The following QRICH1 variants were observed in gnomAD, a reference collection of about 807,000 sequenced individuals.
QRICH1 encodes transcriptional regulator QRICH1.
Under a neutral mutation model 87.1 loss-of-function variants are expected in QRICH1, and 16 were observed. The observed-to-expected ratio is 0.18, with a 90% confidence interval of 0.12 to 0.28. The LOEUF (loss-of-function observed/expected upper bound fraction) is 0.28. Among genes scored for constraint, QRICH1 ranks in the 10% least tolerant of loss-of-function variants. The pLI, the probability that QRICH1 is intolerant of heterozygous loss-of-function variation, is 1.00. For synonymous variants in QRICH1, 367 were observed against 368.4 expected (o/e 1.00, Z 0.05); for missense variants, 647 against 951.7 (o/e 0.68, Z 4.21).
chr3:49,049,746 C>T (rs1017190554), intron 3 of QRICH1, among the ~76,000 whole-genome samples: 1 of 151,734 alleles, frequency 6.6e-6, no homozygotes, highest in South Asian at 2.1e-4. Context: ...GATCCGTCTG[C>T]CTTGGCCTCC....
intron 2 of QRICH1, among the ~76,000 whole-genome samples, chr3:49,064,110 T>TAGTAG (rs1212577625): frequency 6.6e-6 from 1 of 151,788 alleles, no homozygotes. Context: ...TTTATATTTT[T>TAGTAG]AGTAGAGATG....
In QRICH1 at chr3:49,047,345, G is replaced by GA. The variant is rs140679864; in HGVS notation, c.1339-100dup. 8,621 of 1,177,460 alleles carry GA rather than the reference G, an allele frequency of 7.3e-3. 863 individuals are homozygous for GA. The East Asian group carries it at 0.18, about 25-fold the overall frequency. The allele number at this position is 1,177,460 out of a possible 1,614,324, so 72.9% of individuals were successfully genotyped here. A position where few individuals can be genotyped will look rare whatever the true frequency, so the allele number is the denominator to read the frequency against. ...TGTTATGTATAGTTCATTTATTTAAGAAAATATTTCTCTACTCATTGCTGT... is the reference window on the plus strand; with the variant it reads ...TGTTATGTATAGTTCATTTATTTAAGAAAAATATTTCTCTACTCATTGCTGT... On this transcript the variant is annotated intron_variant, in intron 3 of 9. Transcript: ENST00000395443.
chr3:49,057,106 G>A lies in QRICH1; in HGVS notation c.1094C>T (p.Thr365Ile), dbSNP rs1166439719. The change falls in exon 3 of 10, where the codon ACA becomes ATA. Residue 365 changes from threonine (T) to isoleucine (I), a missense_variant. This residue lies in a region of QRICH1 where 115 missense variants were observed against 126.8 expected (regional missense o/e 0.91). Transcript: ENST00000395443. This position sits in a 1 kb window ranked among gnomAD's most constrained non-coding sequence, Gnocchi z 5.4. ...EDDKEKMVGT[T>I]SVVKNSHEEV... ...TTCATGGGAGTTTTTCACTACAGAT[G>A]TGGTGCCCACCATCTTCTCCTTGTC... 2.5e-6 allele frequency: 4 copies of A among 1,614,108 alleles called. No individual in the cohort carries two copies. Among genetic ancestry groups the A allele is most frequent in the Non-Finnish European group, 3.4e-6 (4 of 1,180,060 alleles).
At chr3:49,080,501 T>C (rs1381277449) in intron 1 of QRICH1, among the ~76,000 whole-genome samples, 1 of 151,242 alleles carries the variant, frequency 6.6e-6, no homozygotes, top group Non-Finnish European at 1.5e-5. Context: ...CAACAAAAAA[T>C]AATTTAAAAA....
chr3:49,031,647 T>C (rs2093240718), intron 9 of QRICH1, among the ~76,000 whole-genome samples: 1 of 152,214 alleles, frequency 6.6e-6, no homozygotes, highest in African/African-American at 2.4e-5. Context: ...GCTTCCCTGA[T>C]AAGCTGTGTT....
chr3:49,093,864 C>T, intron 1 of QRICH1, 48 bp downstream of exon 1: 1 of 316,256 alleles, frequency 3.2e-6, no homozygotes, highest in Non-Finnish European at 5.7e-6. Flanking sequence ...GGCCCCCCGT[C>T]TCAGGCCTAC....
chr3:49,039,615 T>C (rs192647938), intron 6 of QRICH1, among the ~76,000 whole-genome samples: 2 of 76,108 alleles, frequency 2.6e-5, no homozygotes, highest in African/African-American at 1.1e-4. Flanking sequence ...AGAGACTCCA[T>C]CTCAAAAAAA....
intron 2 of QRICH1, among the ~76,000 whole-genome samples, chr3:49,063,958 G>A (rs913948208): frequency 2.0e-5 from 3 of 152,118 alleles, no homozygotes; most frequent in African/African-American, 2.4e-5. Context: ...CCTGGCTGGA[G>A]TGCAATGGTG....
At position 49,057,320 on chromosome 3, in the gene QRICH1, G is replaced by A. The variant is rs1255671772; in HGVS notation, c.880C>T (p.Leu294=). The A allele has an allele frequency of 1.2e-6, 2 of 1,614,236 alleles. No individual in the cohort carries two copies. Among genetic ancestry groups the A allele is most frequent in the Admixed American group, 1.7e-5 (1 of 60,018 alleles). Reference sequence around the variant, plus strand: ...GTAATGGTCCCAGTGGCACTGTACAGGTGGGCACTGTCTACTGTCAGTAAG... The same window carrying A: ...GTAATGGTCCCAGTGGCACTGTACAAGTGGGCACTGTCTACTGTCAGTAAG... The part of the protein sequence containing the change: ...PDLLTVDSAH[L]YSATGTITSP... Residue 294 remains leucine (L), a synonymous_variant, in exon 3 of 10, where the codon CTG becomes TTG. Transcript: ENST00000395443. This position sits in a 1 kb window ranked among gnomAD's most constrained non-coding sequence, Gnocchi z 5.4.
chr3:49,091,117 G>A (rs1168900683), intron 1 of QRICH1, among the ~76,000 whole-genome samples: 2 of 152,064 alleles, frequency 1.3e-5, no homozygotes, highest in Non-Finnish European at 2.9e-5. Flanking sequence ...CAGCTACTCC[G>A]GAGGCTGAGG....
intron 2 of QRICH1, among the ~76,000 whole-genome samples, chr3:49,063,284 C>T (rs1454286570): frequency 1.3e-5 from 2 of 152,150 alleles, no homozygotes; most frequent in African/African-American, 4.8e-5. Flanking sequence ...TCCATGCCAA[C>T]AGCAGCAGCA....
At chr3:49,078,626 A>C (rs1214650983) in intron 1 of QRICH1, among the ~76,000 whole-genome samples, 1 of 142,446 alleles carries the variant, frequency 7.0e-6, no homozygotes, top group Non-Finnish European at 1.5e-5. Context: ...CGATCTCCTG[A>C]CCTCGTGATC....
At chr3:49,071,448 G>C (rs570891096) in intron 2 of QRICH1, among the ~76,000 whole-genome samples, 1 of 152,270 alleles carries the variant, frequency 6.6e-6, no homozygotes, top group South Asian at 2.1e-4. Flanking sequence ...AAAGTGGGTG[G>C]CTCAGCTGAA....
At chr3:49,046,955 T>G (rs1030714348) in intron 4 of QRICH1, 114 bp downstream of exon 4, 2 of 1,190,050 alleles carry the variant, frequency 1.7e-6, no homozygotes, top group Non-Finnish European at 2.4e-6. Context: ...CTATTACAGA[T>G]GTTGCTCTCT....
rs537253275 is a variant in QRICH1 at position 49,087,956 on chromosome 3, A to G, written c.-22+5956T>C. 1.6e-3 allele frequency among the ~76,000 whole-genome samples: 216 copies of G among 137,974 alleles called. 3 individuals are homozygous for G. The highest frequency in any genetic ancestry group is 5.0e-3 in the African/African-American group (188 of 37,756). 90.5% of individuals were successfully genotyped at this position (137,974 alleles called of 152,430 possible). On this transcript the variant is annotated intron_variant, in intron 1 of 9. Coordinates refer to ENST00000395443, the MANE Select transcript of QRICH1 (RefSeq NM_198880.3). ...TGAATATATTCATTTTATTTCATTTATTTTTTTTTTTTTGAGACAGAGTCT... is the reference window on the plus strand; with the variant it reads ...TGAATATATTCATTTTATTTCATTTGTTTTTTTTTTTTTGAGACAGAGTCT...
rs201304451 is a variant in QRICH1, at chr3:49,057,714, C to A, written c.486G>T (p.Ser162=). 1 of 1,613,980 alleles carries A rather than the reference C, an allele frequency of 6.2e-7. No homozygotes were observed. The change falls in exon 3 of 10, where the codon TCG becomes TCT. Residue 162 remains serine, a synonymous_variant. Coordinates refer to ENST00000395443, the MANE Select transcript of QRICH1 (RefSeq NM_198880.3). The surrounding 1 kb of genome is among the most constrained non-coding windows in gnomAD (Gnocchi z 5.4). ...QTPSLQSPSP[S]QLQAAQIQVQ... Reference sequence around the variant, plus strand: ...CCTGGATCTGAGCTGCTTGCAGCTGCGAGGGACTGGGACTCTGCAGAGACG... The same window carrying A: ...CCTGGATCTGAGCTGCTTGCAGCTGAGAGGGACTGGGACTCTGCAGAGACG...
At chr3:49,091,431 A>G (rs1461449703) in intron 1 of QRICH1, among the ~76,000 whole-genome samples, 2 of 152,196 alleles carry the variant, frequency 1.3e-5, no homozygotes, top group East Asian at 3.8e-4. Context: ...CAAAGTAAGG[A>G]AAGACATCCC....
intron 9 of QRICH1, among the ~76,000 whole-genome samples, chr3:49,030,923 G>A (rs574981257): frequency 2.0e-5 from 3 of 151,428 alleles, no homozygotes; most frequent in Non-Finnish European, 1.5e-5. Flanking sequence ...ATGGACTCAT[G>A]TGAGTCTATC....
chr3:49,051,583 C>CT (rs2093370583), intron 3 of QRICH1, among the ~76,000 whole-genome samples: 2 of 28,278 alleles, frequency 7.1e-5, no homozygotes, highest in Non-Finnish European at 1.2e-4. Context: ...ACCCCCCCTG[C>CT]GCCCCCCCCC....
Sources: gnomAD v4.1 joint callset for allele counts (sites outside exome capture counted in the v4.1 genomes callset) on GRCh38, gnomAD v4.1.1 for gene constraint, gnomAD v4.1.1 regional missense constraint, Gnocchi (gnomAD v3.1) non-coding constraint, MANE v1.5 for transcripts, NCBI Gene and HGNC (gene_info 2026-07-23, HGNC 2026-07-21) for gene names.